Variants in MS4A15 observed in about 807,000 individuals in gnomAD.
The protein encoded by MS4A15 is membrane spanning 4-domains A15.
MS4A15 carries 22 observed loss-of-function variants against 20.6 expected under a neutral mutation model. That is an observed-to-expected ratio of 1.07 (90% confidence interval 0.76 to 1.52). The LOEUF (loss-of-function observed/expected upper bound fraction) is 1.52, where lower values mean the gene tolerates loss of function less well. Ranked by LOEUF, MS4A15 falls within the 40% of genes most tolerant of loss-of-function variation. The pLI is 0.00. For missense variants in MS4A15, 312 were observed against 323.0 expected (o/e 0.97, Z 0.26); for synonymous variants, 129 against 129.3 (o/e 1.00, Z 0.02).
chr11:60,768,983 G>C (rs906786986), intron 3 of MS4A15, among the ~76,000 whole-genome samples: 9 of 152,152 alleles, frequency 5.9e-5, no homozygotes, highest in Non-Finnish European at 1.2e-4. Flanking sequence ...GGCCATCCTT[G>C]GGGACAAGCT....
intron 2 of MS4A15, 38 bp from the exon 3 acceptor site, chr11:60,767,495 A>G (rs1853911896): frequency 1.4e-6 from 2 of 1,470,354 alleles, no homozygotes; most frequent in African/African-American, 1.4e-5. Flanking sequence ...GCGGTGTGGA[A>G]CAGGGCCCGC....
intron 2 of MS4A15, among the ~76,000 whole-genome samples, chr11:60,765,476 C>T (rs980489653): frequency 7.9e-5 from 12 of 151,998 alleles, no homozygotes; most frequent in Non-Finnish European, 1.5e-4. Context: ...GAGAGGTGCA[C>T]GTACTGTGCC....
At chr11:60,773,792 A>T in intron 5 of MS4A15, 45 bp from the exon 6 acceptor site, 1 of 1,539,222 alleles carries the variant, frequency 6.5e-7, no homozygotes, top group South Asian at 1.1e-5. Flanking sequence ...GGACCCCCTT[A>T]CTCTAGAACT....
Position 60,775,634 on chromosome 11 carries a change from C to T in MS4A15, c.642C>T (p.Ser214=), listed in dbSNP as rs1320126977. The change falls in exon 7 of 7, where the codon AGC becomes AGT. Residue 214 remains serine, a synonymous_variant. Coordinates refer to ENST00000405633, the MANE Select transcript of MS4A15 (RefSeq NM_001098835.2). ...TGATCTTCCTGCCAAACGCCTTCAG[C>T]GCAGACTTCAACATCCCCAGCCCGG... The part of the protein sequence containing the change: ...APVIFLPNAF[S]ADFNIPSPAA... 6 of 1,614,006 alleles carry T rather than the reference C, an allele frequency of 3.7e-6. No homozygotes were observed. Among genetic ancestry groups the T allele is most frequent in the Non-Finnish European group, 5.1e-6 (6 of 1,179,944 alleles).
Position 60,771,340 on chromosome 11 carries a change from G to C in MS4A15, c.398G>C (p.Ser133Thr), listed in dbSNP as rs890259867. The C allele has an allele frequency of 3.1e-6, 5 of 1,614,130 alleles. No individual in the cohort carries two copies. Among genetic ancestry groups the C allele is most frequent in the Non-Finnish European group, 4.2e-6 (5 of 1,180,030 alleles). The part of the protein sequence containing the change: ...LSVAAEKNHT[S>T]CLVRSSLGTN... ...GTGGCAGCCGAGAAGAACCACACCA[G>C]TTGCCTGGTGAGTGTGAACAGGGGG... The change falls in exon 4 of 7, where the codon AGT becomes ACT. Residue 133 changes from serine to threonine, a missense_variant. Coordinates refer to ENST00000405633, the MANE Select transcript of MS4A15 (RefSeq NM_001098835.2).
Position 60,763,769 on chromosome 11 carries a change from TGTC to T in MS4A15, c.37_39del (p.Val13del). 6.2e-7 allele frequency: 1 copy of T among 1,612,268 alleles called. No individual in the cohort carries two copies. Among genetic ancestry groups the T allele is most frequent in the South Asian group, 1.1e-5 (1 of 91,006 alleles). On this transcript the variant is annotated inframe_deletion, in exon 2 of 7. Transcript: ENST00000405633. ...CTCCCGCCAGCAATGGAGTGTTTGT[TGTC>T]ATCCCGCCAAACAACGCCAGTGGCC...
At chr11:60,768,867 T>C (rs1375151946) in intron 3 of MS4A15, among the ~76,000 whole-genome samples, 1 of 152,194 alleles carries the variant, frequency 6.6e-6, no homozygotes, top group African/African-American at 2.4e-5. Flanking sequence ...ACAGTGACTT[T>C]CTTCCCCTGC....
intron 1 of MS4A15, among the ~76,000 whole-genome samples, chr11:60,758,855 A>C (rs1483470389): frequency 6.6e-6 from 1 of 152,242 alleles, no homozygotes; most frequent in East Asian, 1.9e-4. Flanking sequence ...GAGCAGCTAC[A>C]GTGTGGCAAT....
intron 4 of MS4A15, 123 bp downstream of exon 4, chr11:60,771,470 G>C: frequency 1.3e-6 from 2 of 1,549,942 alleles, no homozygotes; most frequent in Non-Finnish European, 1.7e-6. Flanking sequence ...GACCTGCAAA[G>C]TGCCAGGGGA....
intron 3 of MS4A15, 79 bp from the exon 4 acceptor site, chr11:60,771,212 C>T: frequency 1.3e-6 from 2 of 1,553,272 alleles, no homozygotes; most frequent in African/African-American, 2.7e-5. Flanking sequence ...TCCCTGGCAC[C>T]TCTTGACAGA....
intron 1 of MS4A15, among the ~76,000 whole-genome samples, chr11:60,757,987 G>A (rs1853634799): frequency 6.6e-6 from 1 of 152,218 alleles, no homozygotes; most frequent in South Asian, 2.1e-4. Context: ...CGTTTACGAA[G>A]GAGGTGATTG....
intron 4 of MS4A15, among the ~76,000 whole-genome samples, chr11:60,771,921 G>A (rs545976449): frequency 3.9e-5 from 6 of 152,296 alleles, no homozygotes; most frequent in Admixed American, 1.3e-4. Flanking sequence ...CGGCAATGAA[G>A]ATCATGAACA....
intron 1 of MS4A15, 111 bp from the exon 2 acceptor site, chr11:60,763,595 G>C: frequency 1.2e-6 from 1 of 847,580 alleles, no homozygotes; most frequent in South Asian, 1.7e-5. Context: ...AGAGCGTTTG[G>C]GGCCATACTG....
At chr11:60,763,104 A>C (rs1853790049) in intron 1 of MS4A15, among the ~76,000 whole-genome samples, 1 of 152,190 alleles carries the variant, frequency 6.6e-6, no homozygotes, top group Non-Finnish European at 1.5e-5. Flanking sequence ...GGAATTGTCT[A>C]AGAACTCATT....
intron 4 of MS4A15, among the ~76,000 whole-genome samples, chr11:60,772,532 A>G (rs1854069194): frequency 6.6e-6 from 1 of 152,204 alleles, no homozygotes; most frequent in African/African-American, 2.4e-5. Context: ...TAGGTGCTCA[A>G]TAAAAGCTTT....
intron 3 of MS4A15, among the ~76,000 whole-genome samples, chr11:60,767,904 C>A (rs1405079814): frequency 6.6e-6 from 1 of 152,168 alleles, no homozygotes; most frequent in East Asian, 1.9e-4. Context: ...CCAAAAAGGA[C>A]GGGAAAGGCG....
At chr11:60,767,484 G>A in intron 2 of MS4A15, 49 bp from the exon 3 acceptor site, 1 of 1,429,652 alleles carries the variant, frequency 7.0e-7, no homozygotes, top group Non-Finnish European at 9.2e-7. Flanking sequence ...GCCGGCAGGG[G>A]GCGGTGTGGA....
At chr11:60,774,870 T>C (rs903166292) in intron 6 of MS4A15, among the ~76,000 whole-genome samples, 1 of 151,994 alleles carries the variant, frequency 6.6e-6, no homozygotes, top group African/African-American at 2.4e-5. Context: ...GTGAGCTGGT[T>C]GAGGGAAATC....
chr11:60,776,125 G>A lies in MS4A15; in HGVS notation c.*410G>A. On this transcript the variant is annotated 3_prime_UTR_variant, in exon 7 of 7. Transcript: ENST00000405633. ...TCCAGAATGGAAGAGTCTGACTCTG[G>A]CATTCCACAGAGGTGCCGATACCAG... 6.3e-6 allele frequency: 1 copy of A among 158,508 alleles called. No homozygotes were observed. The highest frequency in any genetic ancestry group is 1.4e-5 in the Non-Finnish European group (1 of 71,796). 9.8% of individuals were successfully genotyped at this position (158,508 alleles called of 1,614,324 possible). A position where few individuals can be genotyped will look rare whatever the true frequency, so the allele number is the denominator to read the frequency against.
Sources: gnomAD v4.1 joint callset for allele counts (sites outside exome capture counted in the v4.1 genomes callset) on GRCh38, gnomAD v4.1.1 for gene constraint, MANE v1.5 for transcripts, NCBI Gene and HGNC (gene_info 2026-07-23, HGNC 2026-07-21) for gene names.